Variants in CFAP54 observed in about 807,000 individuals in gnomAD.
CFAP54 encodes cilia and flagella associated protein 54.
CFAP54 carries 290 observed loss-of-function variants against 370.4 expected under a neutral mutation model. That is an observed-to-expected ratio of 0.78 (90% CI 0.71 to 0.86). The LOEUF (loss-of-function observed/expected upper bound fraction) is 0.86, where lower values mean the gene tolerates loss of function less well. Ranked by LOEUF, CFAP54 falls within the 40% of genes least tolerant of loss-of-function variation. The pLI is 0.00. For synonymous variants in CFAP54, 1,206 were observed against 1,236.5 expected, an observed-to-expected ratio of 0.98 and a Z score of 0.52; for missense variants, 3,399 against 3,528.7, an observed-to-expected ratio of 0.96 and a Z score of 0.93.
chr12:96,521,503 CGT>C (rs10554608), intron 6 of CFAP54, among the ~76,000 whole-genome samples: 10,771 of 129,486 alleles, frequency 0.083, 383 homozygotes, highest in South Asian at 0.16. Context: ...CAACTGAGGA[CGT>C]GTGTGTGTGT....
intron 50 of CFAP54, among the ~76,000 whole-genome samples, chr12:96,721,444 A>G (rs118024914): frequency 2.2e-3 from 329 of 152,356 alleles, no homozygotes; most frequent in South Asian, 5.6e-3. Context: ...ATAAAGATGC[A>G]TAGAATACAA....
intron 28 of CFAP54, 105 bp downstream of exon 28, chr12:96,623,986 T>G: frequency 1.3e-6 from 1 of 744,892 alleles, no homozygotes; most frequent in South Asian, 1.8e-5. Context: ...GGTAAACCCT[T>G]TAAGGTTTAC....
chr12:96,777,346 A>ATT (rs1958527304), intron 60 of CFAP54, among the ~76,000 whole-genome samples: 1 of 145,940 alleles, frequency 6.9e-6, no homozygotes, highest in East Asian at 2.1e-4. Flanking sequence ...CATCAAGGAT[A>ATT]TTCTTTTTTT....
At chr12:96,529,909 A>G (rs542553951) in intron 9 of CFAP54, among the ~76,000 whole-genome samples, 1 of 152,182 alleles carries the variant, frequency 6.6e-6, no homozygotes, top group African/African-American at 2.4e-5. Flanking sequence ...AGCTACCCCA[A>G]TGTCGTAAAT....
At chr12:96,491,894 G>A (rs745521044) in intron 1 of CFAP54, among the ~76,000 whole-genome samples, 10 of 152,034 alleles carry the variant, frequency 6.6e-5, no homozygotes, top group Non-Finnish European at 1.5e-4. Context: ...TGAGTAGCTG[G>A]GACTACAGGT....
At chr12:96,536,987 ACAATTCAATT>A (rs78301597) in intron 12 of CFAP54, among the ~76,000 whole-genome samples, 34 of 147,412 alleles carry the variant, frequency 2.3e-4, no homozygotes, top group Middle Eastern at 3.2e-3. Flanking sequence ...TCAATTCAAT[ACAATTCAATT>A]CAATTCAATT....
chr12:96,754,837 G>A (rs1240741358), intron 56 of CFAP54, among the ~76,000 whole-genome samples: 2 of 151,724 alleles, frequency 1.3e-5, no homozygotes, highest in Non-Finnish European at 2.9e-5. Context: ...TTCGCCTCCT[G>A]GGTTCAAGCA....
chr12:96,493,192 A>G lies in CFAP54; in HGVS notation c.317+3266A>G, dbSNP rs139846970. On this transcript the variant is annotated intron_variant, in intron 1 of 67. Coordinates refer to ENST00000524981, the MANE Select transcript of CFAP54 (RefSeq NM_001306084.2). ...CAATTTTGGCCTTTATTTATACAATAATTTTTACTGAGTGCCTGCTATGTG... is the reference window on the plus strand; with the variant it reads ...CAATTTTGGCCTTTATTTATACAATGATTTTTACTGAGTGCCTGCTATGTG... Among the ~76,000 whole-genome samples the G allele has an allele frequency of 4.3e-3, 656 of 152,292 alleles. 6 individuals carry two copies. Among genetic ancestry groups the G allele is most frequent in the African/African-American group, 0.015 (621 of 41,566 alleles).
At chr12:96,551,911 A>G (rs1407670049) in intron 15 of CFAP54, among the ~76,000 whole-genome samples, 2 of 152,108 alleles carry the variant, frequency 1.3e-5, no homozygotes, top group African/African-American at 4.8e-5. Context: ...ACAGATGGGT[A>G]AAAAAAGAAA....
rs1956029263 is a variant in CFAP54 at position 96,581,163 on chromosome 12, T to C, written c.3075+58T>C. 4.2e-6 allele frequency: 5 copies of C among 1,180,794 alleles called. No homozygotes were observed. In the East Asian group the frequency reaches 1.1e-4, roughly 27 times the overall value. The allele number at this position is 1,180,794 out of a possible 1,614,324, so 73.1% of individuals were successfully genotyped here. A position where few individuals can be genotyped will look rare whatever the true frequency, so the allele number is the denominator to read the frequency against. On this transcript the variant is annotated intron_variant, in intron 22 of 67. Coordinates refer to ENST00000524981, the MANE Select transcript of CFAP54 (RefSeq NM_001306084.2). The stretch of plus-strand genomic sequence containing the variant: ...TGTTTTTTTTTCCATTAAGCAGTTA[T>C]GAAGTAATTTCTGATGGAAATAAAA...
intron 60 of CFAP54, among the ~76,000 whole-genome samples, chr12:96,776,565 TC>T (rs1958520171): frequency 6.6e-6 from 1 of 152,188 alleles, no homozygotes; most frequent in Non-Finnish European, 1.5e-5. Context: ...TTTTTAAAAA[TC>T]CAGCCTCACA....
At chr12:96,649,186 C>G (rs570703005) in intron 34 of CFAP54, among the ~76,000 whole-genome samples, 3 of 152,270 alleles carry the variant, frequency 2.0e-5, no homozygotes, top group Admixed American at 2.0e-4. Flanking sequence ...TGCTTTCTGA[C>G]TTCTTCTAGG....
At chr12:96,616,055 C>T (rs1956413431) in intron 26 of CFAP54, among the ~76,000 whole-genome samples, 1 of 152,318 alleles carries the variant, frequency 6.6e-6, no homozygotes, top group Middle Eastern at 3.4e-3. Flanking sequence ...TATAAAGACA[C>T]ATGCACACAT....
At chr12:96,838,525 G>A (rs1959193624) in intron 66 of CFAP54, among the ~76,000 whole-genome samples, 1 of 152,136 alleles carries the variant, frequency 6.6e-6, no homozygotes, top group South Asian at 2.1e-4. Flanking sequence ...AAGCAGGCAT[G>A]TCTTACATGT....
chr12:96,547,574 T>G (rs1433304577), intron 14 of CFAP54, among the ~76,000 whole-genome samples: 1 of 152,218 alleles, frequency 6.6e-6, no homozygotes, highest in East Asian at 1.9e-4. Flanking sequence ...GTTACAAGAT[T>G]TTTTTAAATT....
At chr12:96,765,034 A>G in intron 59 of CFAP54, 43 bp from the exon 60 acceptor site, 1 of 1,319,552 alleles carries the variant, frequency 7.6e-7, no homozygotes, top group Non-Finnish European at 9.9e-7. Context: ...TCTATGAATT[A>G]GAAAGCTTAT....
chr12:96,784,828 G>C lies in CFAP54; in HGVS notation c.8393G>C (p.Trp2798Ser). 1 of 1,533,778 alleles carries C rather than the reference G, an allele frequency of 6.5e-7. No individual in the cohort carries two copies. The change falls in exon 61 of 68, where the codon TGG becomes TCG. Residue 2798 changes from tryptophan (W) to serine (S), a missense_variant. By Grantham distance (177) the Trp-to-Ser change is radical. This residue lies in a region of CFAP54 where 2,796 missense variants were observed against 2,869.7 expected (regional missense o/e 0.97). Coordinates refer to ENST00000524981, the MANE Select transcript of CFAP54 (RefSeq NM_001306084.2). ...KKTQTKVDIT[W>S]ILLLRYYIHL... is the part of the protein sequence containing the mutation. ...ACTCAGACCAAAGTGGATATTACAT[G>C]GATCCTTCTACTGCGCTACTATATT...
At chr12:96,495,064 T>C (rs1434913312) in intron 1 of CFAP54, among the ~76,000 whole-genome samples, 2 of 152,208 alleles carry the variant, frequency 1.3e-5, no homozygotes, top group Admixed American at 1.3e-4. Flanking sequence ...TGTTTTTCCT[T>C]ATAACTATGG....
At chr12:96,827,912 A>T (rs1321358083) in intron 65 of CFAP54, among the ~76,000 whole-genome samples, 4 of 113,828 alleles carry the variant, frequency 3.5e-5, no homozygotes, top group African/African-American at 1.4e-4. Context: ...TATAATACAT[A>T]GTAATATATT....
Sources: allele counts gnomAD v4.1 joint callset (sites outside exome capture counted in the v4.1 genomes callset), GRCh38; gene constraint gnomAD v4.1.1; regional missense constraint gnomAD v4.1.1; transcripts MANE v1.5; gene names NCBI Gene and HGNC (gene_info 2026-07-23, HGNC 2026-07-21).